SLC9A7: variants seen among roughly 807,000 people sequenced by gnomAD.
SLC9A7 encodes the protein sodium/hydrogen exchanger 7.
A neutral mutation model predicts 52.6 loss-of-function variants in SLC9A7; 19 were observed. That is an observed-to-expected ratio of 0.36 (90% confidence interval 0.25 to 0.53). SLC9A7 has a LOEUF of 0.53. SLC9A7 is among the 20% of genes least tolerant of loss of function. The pLI is 0.91. For missense variants in SLC9A7, 455 were observed against 597.9 expected, an observed-to-expected ratio of 0.76 and a Z score of 2.49; for synonymous variants, 226 against 252.1, an observed-to-expected ratio of 0.90 and a Z score of 0.98.
intron 1 of SLC9A7, among the ~76,000 whole-genome samples, chrX:46,747,398 C>T (rs1314869779): frequency 8.1e-5 from 9 of 111,137 alleles, no homozygotes; most frequent in Non-Finnish European, 1.5e-4. Flanking sequence ...TTATAACATA[C>T]CTCAAAACTA....
At chrX:46,618,630 T>C (rs1025072279) in intron 15 of SLC9A7, among the ~76,000 whole-genome samples, 1 of 112,371 alleles carries the variant, frequency 8.9e-6, no homozygotes, top group South Asian at 3.7e-4. Flanking sequence ...TTAAGACCTT[T>C]TGTTCATCAA....
chrX:46,695,076 T>C (rs1254443979), intron 1 of SLC9A7, among the ~76,000 whole-genome samples: 3 of 112,271 alleles, frequency 2.7e-5, no homozygotes. Context: ...GGCTAAGGCA[T>C]GAAGGATCCT....
At chrX:46,720,519 T>C (rs937993554) in intron 1 of SLC9A7, among the ~76,000 whole-genome samples, 3 of 109,760 alleles carry the variant, frequency 2.7e-5, no homozygotes, top group Admixed American at 2.0e-4. Flanking sequence ...GAATCACAAA[T>C]GAGGCTAGTC....
intron 1 of SLC9A7, among the ~76,000 whole-genome samples, chrX:46,722,564 C>A (rs776824086): frequency 3.6e-5 from 4 of 112,138 alleles, no homozygotes; most frequent in Non-Finnish European, 7.5e-5. Context: ...TTATCAATCC[C>A]ATTTATATTT....
Position 46,603,286 on chromosome X carries a change from C to T in SLC9A7, c.*3666G>A, listed in dbSNP as rs1227931417. Reference sequence around the variant, plus strand: ...AGAGGACAAGCCATAATTAGGATTTCCTCCCTGTTTCCCCTGTCATCTCCA... The same window carrying T: ...AGAGGACAAGCCATAATTAGGATTTTCTCCCTGTTTCCCCTGTCATCTCCA... On this transcript the variant is annotated 3_prime_UTR_variant, in exon 17 of 17. Transcript: ENST00000616978. The T allele has an allele frequency of 8.9e-6, 1 of 112,069 alleles. No individual in the cohort carries two copies. Among genetic ancestry groups the T allele is most frequent in the Non-Finnish European group, 1.9e-5 (1 of 53,247 alleles). The allele number at this position is 112,069 out of a possible 1,213,427, so 9.2% of individuals were successfully genotyped here.
chrX:46,662,909 G>GT (rs1227254375), intron 5 of SLC9A7, among the ~76,000 whole-genome samples: 1 of 112,642 alleles, frequency 8.9e-6, no homozygotes, highest in African/African-American at 3.2e-5. Flanking sequence ...CACTTTGAAA[G>GT]TATCTGTTAC....
chrX:46,659,442 T>G (rs1943770728), intron 7 of SLC9A7, among the ~76,000 whole-genome samples: 1 of 71,853 alleles, frequency 1.4e-5, no homozygotes, highest in Non-Finnish European at 2.6e-5. Flanking sequence ...TGTCCCTGTT[T>G]GCAGATGACA....
At chrX:46,692,141 C>T (rs1944388922) in intron 1 of SLC9A7, among the ~76,000 whole-genome samples, 1 of 111,116 alleles carries the variant, frequency 9.0e-6, no homozygotes, top group African/African-American at 3.3e-5. Context: ...TTTCATGGAG[C>T]TAGCAACCTT....
At chrX:46,701,872 G>A (rs755205849) in intron 1 of SLC9A7, among the ~76,000 whole-genome samples, 1 of 110,852 alleles carries the variant, frequency 9.0e-6, no homozygotes, top group Non-Finnish European at 1.9e-5. Context: ...TGGACATCTG[G>A]GTGTCCACCA....
chrX:46,727,561 C>A (rs1028043589), intron 1 of SLC9A7, among the ~76,000 whole-genome samples: 12 of 112,069 alleles, frequency 1.1e-4, no homozygotes, highest in South Asian at 3.7e-4. Context: ...CCAGAGGGAT[C>A]GCAAAGCTAA....
chrX:46,704,637 T>C (rs745729697), intron 1 of SLC9A7, among the ~76,000 whole-genome samples: 31 of 112,420 alleles, frequency 2.8e-4, no homozygotes, highest in Non-Finnish European at 4.3e-4. Context: ...CTCTAAACTA[T>C]GTCATTTTTA....
intron 11 of SLC9A7, among the ~76,000 whole-genome samples, chrX:46,644,134 C>A (rs1461029822): frequency 8.9e-6 from 1 of 112,145 alleles, no homozygotes; most frequent in Non-Finnish European, 1.9e-5. Context: ...AAATAGAGTA[C>A]AAATATTCAT....
intron 1 of SLC9A7, among the ~76,000 whole-genome samples, chrX:46,739,285 GT>G (rs1370052447): frequency 1.8e-5 from 2 of 111,432 alleles, no homozygotes; most frequent in African/African-American, 6.5e-5. Context: ...TGACCACACA[GT>G]TTTTTTCCTC....
At chrX:46,748,931 T>G (rs1205964645) in intron 1 of SLC9A7, among the ~76,000 whole-genome samples, 25 of 110,304 alleles carry the variant, frequency 2.3e-4, no homozygotes, top group African/African-American at 7.9e-4. Context: ...TAAAAATGGA[T>G]AAAACGGCAA....
At chrX:46,676,459 AATTG>A (rs1016039018) in intron 3 of SLC9A7, among the ~76,000 whole-genome samples, 11 of 111,887 alleles carry the variant, frequency 9.8e-5, no homozygotes, top group African/African-American at 3.6e-4. Flanking sequence ...CTCAAAAACA[AATTG>A]ATTGGGAACT....
At chrX:46,728,187 C>G (rs1439783520) in intron 1 of SLC9A7, among the ~76,000 whole-genome samples, 3 of 111,746 alleles carry the variant, frequency 2.7e-5, no homozygotes, top group Non-Finnish European at 5.6e-5. Context: ...CTTAAAATTT[C>G]TGTTCTTCAA....
At chrX:46,637,946 A>G (rs1166574734) in intron 12 of SLC9A7, among the ~76,000 whole-genome samples, 1 of 112,197 alleles carries the variant, frequency 8.9e-6, no homozygotes, top group Non-Finnish European at 1.9e-5. Flanking sequence ...AATTAGCCAT[A>G]GTAAGAAACA....
chrX:46,752,188 A>G (rs1167597704), intron 1 of SLC9A7, among the ~76,000 whole-genome samples: 1 of 111,700 alleles, frequency 9.0e-6, no homozygotes, highest in Non-Finnish European at 1.9e-5. Flanking sequence ...TGAAAGTTGC[A>G]TATGTTAGGA....
Position 46,682,508 on chromosome X carries a change from T to C in SLC9A7, c.353A>G (p.Tyr118Cys), listed in dbSNP as rs1333571320. 1 of 1,210,409 alleles carries C rather than the reference T, an allele frequency of 8.3e-7. No homozygotes were observed. The highest frequency in any genetic ancestry group is 1.1e-6 in the Non-Finnish European group (1 of 894,744). ...YGLIVGVILR[Y>C]GTPATSGRDK... is the part of the protein sequence containing the mutation. ...ACGGCCACTGGTAGCAGGGGTACCATACCTCAGGATCACCCCAACGATGAG... is the reference window on the plus strand; with the variant it reads ...ACGGCCACTGGTAGCAGGGGTACCACACCTCAGGATCACCCCAACGATGAG... Residue 118 changes from tyrosine to cysteine, a missense_variant, in exon 2 of 17, where the codon TAT becomes TGT. Physicochemically the swap from Tyr to Cys is radical, Grantham distance 194 (BLOSUM62 -2). This residue lies in a region of SLC9A7 where 304 missense variants were observed against 417.8 expected (regional missense o/e 0.73). Coordinates refer to ENST00000616978, the MANE Select transcript of SLC9A7 (RefSeq NM_001257291.2).
Sources: gnomAD v4.1 joint callset for allele counts (sites outside exome capture counted in the v4.1 genomes callset) on GRCh38, gnomAD v4.1.1 for gene constraint, gnomAD v4.1.1 regional missense constraint, MANE v1.5 for transcripts, NCBI Gene and HGNC (gene_info 2026-07-23, HGNC 2026-07-21) for gene names.